OR13A1: variants seen among roughly 807,000 people sequenced by gnomAD.
OR13A1 encodes olfactory receptor 13A1.
A neutral mutation model predicts 7.5 loss-of-function variants in OR13A1; 10 were observed. The observed-to-expected ratio is 1.34, with a 90% CI of 0.83 to 2.27. OR13A1 has a LOEUF of 2.27. Among genes scored for constraint, OR13A1 ranks in the 30% most tolerant of loss-of-function variants. The pLI, the probability that OR13A1 is intolerant of heterozygous loss-of-function variation, is 0.00. For synonymous variants in OR13A1, 238 were observed against 177.9 expected (o/e 1.34, Z -2.69); for missense variants, 509 against 419.1 (o/e 1.21, Z -1.87).
chr10:45,310,252 T>C (rs1838416741), intron 1 of OR13A1, among the ~76,000 whole-genome samples: 1 of 152,222 alleles, frequency 6.6e-6, no homozygotes, highest in African/African-American at 2.4e-5. Context: ...GCTTCATTTT[T>C]TCTCTTTTGC....
chr10:45,313,542 G>T (rs1003029701), intron 1 of OR13A1, among the ~76,000 whole-genome samples: 3 of 151,658 alleles, frequency 2.0e-5, no homozygotes, highest in African/African-American at 7.3e-5. Context: ...TTAGGTCTAA[G>T]AAACAAATAT....
In OR13A1 at chr10:45,304,094, A is replaced by G; in HGVS notation, c.329T>C (p.Ile110Thr). The G allele has an allele frequency of 2.5e-6, 4 of 1,614,088 alleles. No homozygotes were observed. The highest frequency in any genetic ancestry group is 1.3e-5 in the African/African-American group (1 of 75,064). ...CTGGGCCATGCAGCCCCCGTAGGAGATGGAGCTCTCTTCCGACACCAGACT... is the reference window on the plus strand; with the variant it reads ...CTGGGCCATGCAGCCCCCGTAGGAGGTGGAGCTCTCTTCCGACACCAGACT... ...LASLVSEESS[I>T]SYGGCMAQLY... Residue 110 changes from isoleucine (I) to threonine (T), a missense_variant, in exon 4 of 4, where the codon ATC becomes ACC. Coordinates refer to ENST00000553795, the MANE Select transcript of OR13A1 (RefSeq NM_001004297.3).
At chr10:45,314,514 G>A (rs1838493714) in intron 1 of OR13A1, among the ~76,000 whole-genome samples, 1 of 148,140 alleles carries the variant, frequency 6.8e-6, no homozygotes, top group Admixed American at 6.7e-5. Flanking sequence ...AACTAGGAGA[G>A]AAAAAAAACT....
Position 45,303,879 on chromosome 10 carries a change from G to A in OR13A1, c.544C>T (p.Leu182=), listed in dbSNP as rs756931275. The change falls in exon 4 of 4, where the codon CTG becomes TTG. Residue 182 remains leucine, a synonymous_variant. Transcript: ENST00000553795. ...TTGGGGCCACAGAAATCCAAGCGCA[G>A]CATCAGCCCCGTGTGGATGGCCGTG... is the stretch of plus-strand genomic sequence containing the variant. The part of the protein sequence containing the change: ...VNTAIHTGLM[L]RLDFCGPNVI... 1.2e-5 allele frequency: 19 copies of A among 1,613,008 alleles called. No individual in the cohort carries two copies. The highest frequency in any genetic ancestry group is 1.6e-5 in the Non-Finnish European group (19 of 1,180,046).
In OR13A1 at chr10:45,303,709, G is replaced by A; in HGVS notation, c.714C>T (p.Phe238=). The stretch of plus-strand genomic sequence containing the variant: ...TCACCTTCAGGATGCTGGAGACGAT[G>A]AAGCCATAGGACGCGATGGTCATCA... ...NFLMTIASYG[F]IVSSILKVKT... Residue 238 remains phenylalanine, a synonymous_variant, in exon 4 of 4, where the codon TTC becomes TTT. Coordinates refer to ENST00000553795, the MANE Select transcript of OR13A1 (RefSeq NM_001004297.3). 1 of 1,614,238 alleles carries A rather than the reference G, an allele frequency of 6.2e-7. No individual in the cohort carries two copies. Among genetic ancestry groups the A allele is most frequent in the African/African-American group, 1.3e-5 (1 of 75,072 alleles).
At position 45,304,354 on chromosome 10, in the gene OR13A1, G is replaced by T; in HGVS notation, c.69C>A (p.Asn23Lys). Reference protein sequence around the residue: ...ETRPSPRMMSNQTLVTEFILQ... With the variant: ...ETRPSPRMMSKQTLVTEFILQ... ...GGATGAACTCGGTTACCAACGTCTG[G>T]TTACTCATCATCCTTGGGCTGGGAC... The change falls in exon 4 of 4, where the codon AAC becomes AAA. Residue 23 changes from asparagine (N) to lysine (K), a missense_variant. By Grantham distance (94) the Asn-to-Lys change is moderately conservative. Coordinates refer to ENST00000553795, the MANE Select transcript of OR13A1 (RefSeq NM_001004297.3). The T allele has an allele frequency of 6.2e-7, 1 of 1,614,086 alleles. No individual in the cohort carries two copies. The highest frequency in any genetic ancestry group is 8.5e-7 in the Non-Finnish European group (1 of 1,179,988).
At position 45,307,410 on chromosome 10, in the gene OR13A1, G is replaced by A. The variant is rs971344347; in HGVS notation, c.-13+16C>T. ...GTATTCACATTCAAGGAGCAAATTA[G>A]CCCTCAGGTAATTACCCACTTATTG... On this transcript the variant is annotated intron_variant, in intron 3 of 3. Coordinates refer to ENST00000553795, the MANE Select transcript of OR13A1 (RefSeq NM_001004297.3). The A allele has an allele frequency of 6.6e-6, 1 of 152,194 alleles. No individual in the cohort carries two copies. Among genetic ancestry groups the A allele is most frequent in the Admixed American group, 6.5e-5 (1 of 15,284 alleles). The allele number at this position is 152,194 out of a possible 1,614,324, so 9.4% of individuals were successfully genotyped here.
At chr10:45,306,468 A>T (rs1170882077) in intron 3 of OR13A1, among the ~76,000 whole-genome samples, 1 of 136,818 alleles carries the variant, frequency 7.3e-6, no homozygotes, top group South Asian at 2.2e-4. Flanking sequence ...AAAAAAAAAA[A>T]GTTAACGAAG....
At chr10:45,309,435 C>T (rs1201584492) in intron 1 of OR13A1, among the ~76,000 whole-genome samples, 2 of 152,024 alleles carry the variant, frequency 1.3e-5, no homozygotes, top group Non-Finnish European at 2.9e-5. Flanking sequence ...CCAAACCTTC[C>T]CTGACTCCCT....
chr10:45,302,399 A>C (rs551169011), downstream of OR13A1: 1 of 152,328 alleles, frequency 6.6e-6, no homozygotes, highest in Non-Finnish European at 1.5e-5. Context: ...TGTCTGTAAG[A>C]ATCTACGTGC....
Position 45,304,165 on chromosome 10 carries a change from A to G in OR13A1, c.258T>C (p.Thr86=). 1.2e-6 allele frequency: 2 copies of G among 1,614,234 alleles called. No homozygotes were observed. Among genetic ancestry groups the G allele is most frequent in the Non-Finnish European group, 8.5e-7 (1 of 1,180,032 alleles). The part of the protein sequence containing the change: ...PMYFFLLNLA[T]MDIICTSSIM... ...TGGAAGAGGTGCAGATAATGTCCAT[A>G]GTAGCCAAGTTGAGTAAGAAAAAGT... The change falls in exon 4 of 4, where the codon ACT becomes ACC. Residue 86 remains threonine, a synonymous_variant. Coordinates refer to ENST00000553795, the MANE Select transcript of OR13A1 (RefSeq NM_001004297.3).
At chr10:45,311,439 G>C (rs145547252) in intron 1 of OR13A1, among the ~76,000 whole-genome samples, 193 of 152,244 alleles carry the variant, frequency 1.3e-3, no homozygotes, top group African/African-American at 4.3e-3. Context: ...AAAGAGCTAA[G>C]AAAGGCTTAG....
rs1385641483 is a variant in OR13A1 at position 45,303,360 on chromosome 10, T to C, written c.*76A>G. On this transcript the variant is annotated 3_prime_UTR_variant, in exon 4 of 4. Transcript: ENST00000553795. ...GTTAGAAAAAACAAGTCTATTTACC[T>C]CCCAGTCCAGAAACTTGCTCATCAG... is the stretch of plus-strand genomic sequence containing the variant. 6.9e-7 allele frequency: 1 copy of C among 1,443,280 alleles called. No homozygotes were observed. Among genetic ancestry groups the C allele is most frequent in the African/African-American group, 1.4e-5 (1 of 70,228 alleles). 89.4% of individuals were successfully genotyped at this position (1,443,280 alleles called of 1,614,324 possible). A position where few individuals can be genotyped will look rare whatever the true frequency, so the allele number is the denominator to read the frequency against.
chr10:45,304,207 C>G lies in OR13A1; in HGVS notation c.216G>C (p.Gly72=), dbSNP rs778231597. 2.5e-6 allele frequency: 4 copies of G among 1,614,004 alleles called. No individual in the cohort carries two copies. The highest frequency in any genetic ancestry group is 3.4e-6 in the Non-Finnish European group (4 of 1,180,048). ...AGAAAAAGTACATAGGAGCGTGGAG[C>G]CCAGGGTTGAACGTGATGGCCAAGG... is the stretch of plus-strand genomic sequence containing the variant. The part of the protein sequence containing the change: ...LITLAITFNP[G]LHAPMYFFLL... The change falls in exon 4 of 4, where the codon GGG becomes GGC. Residue 72 remains glycine (G), a synonymous_variant. Coordinates refer to ENST00000553795, the MANE Select transcript of OR13A1 (RefSeq NM_001004297.3).
At position 45,303,705 on chromosome 10, in the gene OR13A1, C is replaced by T. The variant is rs759472708; in HGVS notation, c.718G>A (p.Val240Ile). 5 of 1,614,152 alleles carry T rather than the reference C, an allele frequency of 3.1e-6. No individual in the cohort carries two copies. In the South Asian group the frequency reaches 3.3e-5, roughly 11 times the overall value. The change falls in exon 4 of 4, where the codon GTC (valine) becomes ATC (isoleucine). Residue 240 changes from valine (V) to isoleucine (I), a missense_variant. Physicochemically the swap from Val to Ile is conservative, Grantham distance 29. Transcript: ENST00000553795. ...GTCTTCACCTTCAGGATGCTGGAGA[C>T]GATGAAGCCATAGGACGCGATGGTC... ...LMTIASYGFI[V>I]SSILKVKTAW...
Position 45,304,391 on chromosome 10 carries a change from A to G in OR13A1, c.32T>C (p.Val11Ala). 6.2e-7 allele frequency: 1 copy of G among 1,613,648 alleles called. No individual in the cohort carries two copies. Among genetic ancestry groups the G allele is most frequent in the South Asian group, 1.1e-5 (1 of 91,048 alleles). Reference sequence around the variant, plus strand: ...CCTTGGGCTGGGACGGGTTTCTGGGACTATCAGGTGACTCTCCATCCACAG... The same window carrying G: ...CCTTGGGCTGGGACGGGTTTCTGGGGCTATCAGGTGACTCTCCATCCACAG... Reference protein sequence around the residue: MKLWMESHLIVPETRPSPRMM... With the variant: MKLWMESHLIAPETRPSPRMM... The change falls in exon 4 of 4, where the codon GTC (valine) becomes GCC (alanine). Residue 11 changes from valine to alanine, a missense_variant. Physicochemically the swap from Val to Ala is moderately conservative, Grantham distance 64. Transcript: ENST00000553795.
At position 45,303,901 on chromosome 10, in the gene OR13A1, C is replaced by T. The variant is rs372588526; in HGVS notation, c.522G>A (p.Thr174=). 261 of 1,613,412 alleles carry T rather than the reference C, an allele frequency of 1.6e-4. 1 individual carries two copies. The highest frequency in any genetic ancestry group is 3.3e-4 in the Middle Eastern group (2 of 6,084). Residue 174 remains threonine (T), a synonymous_variant, in exon 4 of 4, where the codon ACG becomes ACA. Coordinates refer to ENST00000553795, the MANE Select transcript of OR13A1 (RefSeq NM_001004297.3). ...GCAGCATCAGCCCCGTGTGGATGGC[C>T]GTGTTGACGGCGCAGAGCAGCCACA... is the stretch of plus-strand genomic sequence containing the variant. ...TAVWLLCAVN[T]AIHTGLMLRL... is the part of the protein sequence containing the mutation.
intron 1 of OR13A1, among the ~76,000 whole-genome samples, chr10:45,314,947 C>A (rs1002669010): frequency 2.0e-5 from 3 of 152,098 alleles, no homozygotes; most frequent in African/African-American, 4.8e-5. Context: ...AGCCCAGAAC[C>A]GGATGACTAC....
At chr10:45,314,161 TG>T (rs1418031110) in intron 1 of OR13A1, among the ~76,000 whole-genome samples, 2 of 151,834 alleles carry the variant, frequency 1.3e-5, no homozygotes, top group South Asian at 2.1e-4. Context: ...CAACAAGCAA[TG>T]GGTCAAAAAA....
Sources: gnomAD v4.1 joint callset for allele counts (sites outside exome capture counted in the v4.1 genomes callset) on GRCh38, gnomAD v4.1.1 for gene constraint, MANE v1.5 for transcripts, NCBI Gene and HGNC (gene_info 2026-07-23, HGNC 2026-07-21) for gene names.